GPHN: variants seen among roughly 807,000 people sequenced by gnomAD.
The protein encoded by GPHN is gephyrin.
Under a neutral mutation model 95.5 loss-of-function variants are expected in GPHN, and 17 were observed. That is an observed-to-expected ratio of 0.18 (90% CI 0.12 to 0.27). The LOEUF (loss-of-function observed/expected upper bound fraction) is 0.27. Among genes scored for constraint, GPHN ranks in the 10% least tolerant of loss-of-function variants. The pLI, the probability that GPHN is intolerant of heterozygous loss-of-function variation, is 1.00. For synonymous variants in GPHN, 320 were observed against 322.5 expected, an observed-to-expected ratio of 0.99 and a Z score of 0.08; for missense variants, 660 against 978.1, an observed-to-expected ratio of 0.67 and a Z score of 4.34.
At chr14:66,837,641 A>G (rs1359934423) in intron 4 of GPHN, among the ~76,000 whole-genome samples, 1 of 149,424 alleles carries the variant, frequency 6.7e-6, no homozygotes, top group African/African-American at 2.4e-5. Flanking sequence ...AAATAAATAA[A>G]TAAATAAATA....
chr14:66,667,109 A>G (rs1195533489), intron 1 of GPHN, among the ~76,000 whole-genome samples: 3 of 152,248 alleles, frequency 2.0e-5, no homozygotes, highest in African/African-American at 4.8e-5. Flanking sequence ...AAGGAGAACT[A>G]TAAATCACTG....
the GPHN span, among the ~76,000 whole-genome samples, chr14:67,496,102 T>G: frequency 2.0e-5 from 3 of 152,360 alleles, no homozygotes; most frequent in Non-Finnish European, 2.9e-5. Flanking sequence ...GGTGGGAGGA[T>G]TGCTTGAGCC....
chr14:67,170,787 A>G (rs1234464531), intron 21 of GPHN, among the ~76,000 whole-genome samples: 1 of 152,208 alleles, frequency 6.6e-6, no homozygotes, highest in African/African-American at 2.4e-5. Flanking sequence ...TAGCTTTCCA[A>G]ATCATCCCCA....
At chr14:67,666,658 G>T in the GPHN span, among the ~76,000 whole-genome samples, 165 of 152,286 alleles carry the variant, frequency 1.1e-3, 2 homozygotes, top group Non-Finnish European at 4.3e-4. Flanking sequence ...GAATGCTAGA[G>T]CTAGGATGTA....
At chr14:67,086,523 C>G (rs1388035976) in intron 11 of GPHN, among the ~76,000 whole-genome samples, 1 of 150,870 alleles carries the variant, frequency 6.6e-6, no homozygotes, top group Non-Finnish European at 1.5e-5. Context: ...AGGTGGCGGG[C>G]GCCTGTAGTC....
the GPHN span, chr14:67,515,459 C>T: frequency 1.2e-5 from 2 of 170,274 alleles, no homozygotes; most frequent in Non-Finnish European, 2.5e-5. Context: ...AGTACGGATG[C>T]GCTGCAAACT....
intron 2 of GPHN, among the ~76,000 whole-genome samples, chr14:66,738,865 G>T (rs1422275923): frequency 1.3e-5 from 2 of 152,040 alleles, no homozygotes; most frequent in Non-Finnish European, 2.9e-5. Context: ...TTCTCCTCAT[G>T]AAATCATTTT....
chr14:67,185,034 A>G (rs2083361695), downstream of GPHN, among the ~76,000 whole-genome samples: 1 of 152,240 alleles, frequency 6.6e-6, no homozygotes. Flanking sequence ...TGATAAGGCA[A>G]TTATTTGTGA....
chr14:67,167,299 G>T (rs1567437752), intron 20 of GPHN, among the ~76,000 whole-genome samples: 1 of 152,052 alleles, frequency 6.6e-6, no homozygotes, highest in Non-Finnish European at 1.5e-5. Context: ...TTTTTATACA[G>T]TAATGTTATA....
chr14:66,861,365 A>G (rs1179512823), intron 4 of GPHN, among the ~76,000 whole-genome samples: 5 of 152,098 alleles, frequency 3.3e-5, no homozygotes, highest in African/African-American at 1.2e-4. Flanking sequence ...TATTAGAGCT[A>G]AAGAGAGAGA....
At chr14:66,581,127 G>A (rs1159231631) in intron 1 of GPHN, among the ~76,000 whole-genome samples, 10 of 150,916 alleles carry the variant, frequency 6.6e-5, no homozygotes, top group African/African-American at 1.7e-4. Flanking sequence ...ATAAAAACCC[G>A]CAGCAAGTTA....
chr14:66,772,040 G>T (rs1320422457), intron 2 of GPHN, among the ~76,000 whole-genome samples: 4 of 149,968 alleles, frequency 2.7e-5, no homozygotes, highest in African/African-American at 7.4e-5. Context: ...TTGATATTTT[G>T]TAAACTATTG....
chr14:67,000,718 A>T (rs2072155960), intron 9 of GPHN, among the ~76,000 whole-genome samples: 1 of 151,618 alleles, frequency 6.6e-6, no homozygotes, highest in Non-Finnish European at 1.5e-5. Context: ...TGGAGTATAT[A>T]AATTGTCTTG....
chr14:67,418,303 A>G, the GPHN span, among the ~76,000 whole-genome samples: 2 of 152,126 alleles, frequency 1.3e-5, no homozygotes, highest in South Asian at 2.1e-4. Flanking sequence ...TGCTCTTTCC[A>G]CTACTCCACA....
chr14:67,656,053 C>T, the GPHN span, among the ~76,000 whole-genome samples: 1 of 152,130 alleles, frequency 6.6e-6, no homozygotes, highest in African/African-American at 2.4e-5. Context: ...CGAGACCAGC[C>T]TGGCCAACAT....
At chr14:67,049,372 C>T (rs201176440) in intron 10 of GPHN, among the ~76,000 whole-genome samples, 1 of 151,792 alleles carries the variant, frequency 6.6e-6, no homozygotes, top group Non-Finnish European at 1.5e-5. Context: ...GGACTACAGG[C>T]GCCCGCCACC....
chr14:67,022,576 T>TGTGG (rs2073707363), intron 9 of GPHN, among the ~76,000 whole-genome samples: 1 of 125,102 alleles, frequency 8.0e-6, no homozygotes, highest in African/African-American at 3.1e-5. Flanking sequence ...TTGGTGTGTG[T>TGTGG]GTGTGTGTGT....
At chr14:67,427,925 C>CTTT in the GPHN span, among the ~76,000 whole-genome samples, 623 of 142,312 alleles carry the variant, frequency 4.4e-3, 7 homozygotes, top group African/African-American at 0.015. Flanking sequence ...CGACAATGCC[C>CTTT]TTTTTTTTTT....
chr14:66,885,956 G>A (rs1452295967), intron 5 of GPHN, among the ~76,000 whole-genome samples: 1 of 151,152 alleles, frequency 6.6e-6, no homozygotes, highest in Non-Finnish European at 1.5e-5. Flanking sequence ...CAAAGAAAAA[G>A]TATGATCCAT....
Sources: allele counts gnomAD v4.1 joint callset (sites outside exome capture counted in the v4.1 genomes callset), GRCh38; gene constraint gnomAD v4.1.1; transcripts MANE v1.5; gene names NCBI Gene and HGNC (gene_info 2026-07-23, HGNC 2026-07-21).